Variants in P3H4 observed in about 807,000 individuals in gnomAD.
P3H4 encodes endoplasmic reticulum protein SC65.
A neutral mutation model predicts 52.9 loss-of-function variants in P3H4; 47 were observed. The ratio of observed to expected loss-of-function variants is 0.89; its 90% CI spans 0.70 to 1.13. The LOEUF (loss-of-function observed/expected upper bound fraction) is 1.13. Among genes scored for constraint, P3H4 ranks in the 50% most tolerant of loss-of-function variants. The pLI, the probability that P3H4 is intolerant of heterozygous loss-of-function variation, is 0.00. For missense variants in P3H4, 585 were observed against 611.0 expected, an observed-to-expected ratio of 0.96 and a Z score of 0.45; for synonymous variants, 256 against 267.9, an observed-to-expected ratio of 0.96 and a Z score of 0.44.
intron 5 of P3H4, 25 bp downstream of exon 5, chr17:41,807,834 A>AAGTGCCCCAGAAAGC: frequency 6.2e-7 from 1 of 1,604,914 alleles, no homozygotes; most frequent in East Asian, 2.2e-5. Context: ...CATATCCAGC[A>AAGTGCCCCAGAAAGC]AGTGCCCCAG....
At chr17:41,806,375 G>A (rs1045125315) in intron 6 of P3H4, among the ~76,000 whole-genome samples, 9 of 152,190 alleles carry the variant, frequency 5.9e-5, no homozygotes, top group Non-Finnish European at 1.2e-4. Flanking sequence ...GAATAATGTG[G>A]CCCTGTGTCC....
intron 3 of P3H4, among the ~76,000 whole-genome samples, chr17:41,810,091 A>G (rs2047713130): frequency 6.6e-6 from 1 of 151,112 alleles, no homozygotes; most frequent in Admixed American, 6.6e-5. Context: ...AGCCAGAGGG[A>G]GCCAGGGCAT....
chr17:41,804,037 T>C lies in P3H4; in HGVS notation c.1147-606A>G, dbSNP rs374532589. 1.8e-3 allele frequency among the ~76,000 whole-genome samples: 268 copies of C among 151,586 alleles called. 2 individuals carry two copies. The highest frequency in any genetic ancestry group is 0.015 in the East Asian group (74 of 5,098). Reference sequence around the variant, plus strand: ...CATGATCTCGGCTCACTGCAAGCTCTGCCTCCTGGGTTCACGCCATTCTCC... The same window carrying C: ...CATGATCTCGGCTCACTGCAAGCTCCGCCTCCTGGGTTCACGCCATTCTCC... On this transcript the variant is annotated intron_variant, in intron 6 of 7. Transcript: ENST00000393928.
At chr17:41,803,547 C>T (rs2047641009) in intron 6 of P3H4, 116 bp from the exon 7 acceptor site, 1 of 891,108 alleles carries the variant, frequency 1.1e-6, no homozygotes. Context: ...CAAAGCCCCT[C>T]CCCCTCCCCA....
intron 3 of P3H4, among the ~76,000 whole-genome samples, chr17:41,810,169 C>CT (rs71155170): frequency 0.014 from 1,587 of 116,840 alleles, 21 homozygotes; most frequent in African/African-American, 0.022. Flanking sequence ...AAAGGACAGT[C>CT]TTTTTTTTTT....
chr17:41,811,853 C>A lies in P3H4; in HGVS notation c.63G>T (p.Glu21Asp). 1 of 1,547,466 alleles carries A rather than the reference C, an allele frequency of 6.5e-7. No individual in the cohort carries two copies. The highest frequency in any genetic ancestry group is 8.6e-7 in the Non-Finnish European group (1 of 1,157,680). ...LLLGSAGAQY[E>D]KYSFRGFPPE... is the part of the protein sequence containing the mutation. Reference sequence around the variant, plus strand: ...GCGGGAAGCCCCGGAAGCTGTACTTCTCGTACTGCGCCCCGGCGCTGCCCA... The same window carrying A: ...GCGGGAAGCCCCGGAAGCTGTACTTATCGTACTGCGCCCCGGCGCTGCCCA... Residue 21 changes from glutamate (E) to aspartate (D), a missense_variant, in exon 1 of 8, where the codon GAG becomes GAT. Glu to Asp is a conservative substitution (Grantham distance 45, BLOSUM62 2). Transcript: ENST00000393928. This position sits in a 1 kb window ranked among gnomAD's most constrained non-coding sequence, Gnocchi z 4.8.
At position 41,802,720 on chromosome 17, in the gene P3H4, T is replaced by G; in HGVS notation, c.*237A>C. 2.3e-6 allele frequency: 1 copy of G among 441,340 alleles called. No homozygotes were observed. The highest frequency in any genetic ancestry group is 4.0e-6 in the Non-Finnish European group (1 of 251,082). 27.3% of individuals were successfully genotyped at this position (441,340 alleles called of 1,614,324 possible). A position where few individuals can be genotyped will look rare whatever the true frequency, so the allele number is the denominator to read the frequency against. On this transcript the variant is annotated 3_prime_UTR_variant, in exon 8 of 8. Coordinates refer to ENST00000393928, the MANE Select transcript of P3H4 (RefSeq NM_006455.3). ...GCGCCTGCCACCACACCCGGCTAAT[T>G]TATGTATTTTAGTAGAGACGGAGGT...
chr17:41,806,198 G>A (rs529569924), intron 6 of P3H4, among the ~76,000 whole-genome samples: 10 of 151,908 alleles, frequency 6.6e-5, no homozygotes, highest in Admixed American at 1.3e-4. Flanking sequence ...CAGCCTGGGC[G>A]GCAGAGCGAG....
intron 6 of P3H4, among the ~76,000 whole-genome samples, chr17:41,803,820 C>G (rs2047643932): frequency 6.6e-6 from 1 of 152,218 alleles, no homozygotes; most frequent in South Asian, 2.1e-4. Context: ...GGCATCAGTT[C>G]CAGGCTGAGC....
At position 41,811,524 on chromosome 17, in the gene P3H4, G is replaced by C. The variant is rs781912747; in HGVS notation, c.392C>G (p.Pro131Arg). The stretch of plus-strand genomic sequence containing the variant: ...GAAGTCACGCAGCAGCTGCCGCGGC[G>C]GGTAGGGCACCTGGAAGGCGGGCAG... The part of the protein sequence containing the change: ...RTLPAFQVPY[P>R]PRQLLRDFQS... Residue 131 changes from proline to arginine, a missense_variant, in exon 1 of 8, where the codon CCG becomes CGG. Coordinates refer to ENST00000393928, the MANE Select transcript of P3H4 (RefSeq NM_006455.3). The surrounding 1 kb of genome is among the most constrained non-coding windows in gnomAD (Gnocchi z 4.8). The C allele has an allele frequency of 1.2e-6, 2 of 1,611,532 alleles. No homozygotes were observed. Among genetic ancestry groups the C allele is most frequent in the East Asian group, 4.5e-5 (2 of 44,798 alleles).
chr17:41,808,774 G>A (rs1160001193), intron 4 of P3H4, among the ~76,000 whole-genome samples: 1 of 152,170 alleles, frequency 6.6e-6, no homozygotes, highest in Non-Finnish European at 1.5e-5. Context: ...AGCTCACACA[G>A]CTGGAGAATG....
Position 41,806,227 on chromosome 17 carries a change from A to AAAAT in P3H4, c.1146+565_1146+568dup, listed in dbSNP as rs535647021. On this transcript the variant is annotated intron_variant, in intron 6 of 7. Coordinates refer to ENST00000393928, the MANE Select transcript of P3H4 (RefSeq NM_006455.3). ...GAGCGAGACTCCATCTCAAAAAAAA[A>AAAAT]AAATAAATAAATAAATAAAATAAAT... is the stretch of plus-strand genomic sequence containing the variant. Among the ~76,000 whole-genome samples the AAAAT allele has an allele frequency of 8.1e-3, 1,228 of 152,032 alleles. 10 individuals are homozygous for AAAAT. Among genetic ancestry groups the AAAAT allele is most frequent in the Middle Eastern group, 0.045 (13 of 292 alleles).
chr17:41,809,815 CA>C lies in P3H4; in HGVS notation c.806del (p.Leu269ArgfsTer11). 1 of 1,612,922 alleles carries C rather than the reference CA, an allele frequency of 6.2e-7. No individual in the cohort carries two copies. ...PAIADLFAES[L>X]QCKVDCEANL... ...TGGCCTCACAGTCCACCTTGCACTG[CA>C]GGGACTCTGCAAAGAGATCTGAGGG... On this transcript the variant is annotated frameshift_variant, in exon 4 of 8. Coordinates refer to ENST00000393928, the MANE Select transcript of P3H4 (RefSeq NM_006455.3). LOFTEE classifies it high-confidence loss of function.
intron 6 of P3H4, among the ~76,000 whole-genome samples, chr17:41,806,129 G>A (rs1468068069): frequency 1.3e-5 from 2 of 151,938 alleles, no homozygotes; most frequent in Admixed American, 6.6e-5. Flanking sequence ...TGAGGCAGGA[G>A]CATCGTGTGA....
Position 41,806,879 on chromosome 17 carries a change from C to T in P3H4, c.1063G>A (p.Glu355Lys). Residue 355 changes from glutamate to lysine, a missense_variant and splice_region_variant, in exon 6 of 8, where the codon GAG becomes AAG. By Grantham distance (56) the Glu-to-Lys change is moderately conservative (BLOSUM62 1). Coordinates refer to ENST00000393928, the MANE Select transcript of P3H4 (RefSeq NM_006455.3). ...LEEEDFQPRE[E>K]AMLYHNQTAE... ...GTCTGGTTGTGGTAGAGCATGGCCT[C>T]CTGGAAGGAGGGAAGGACGGGGTGG... 2 of 1,613,246 alleles carry T rather than the reference C, an allele frequency of 1.2e-6. No individual in the cohort carries two copies. The highest frequency in any genetic ancestry group is 2.2e-5 in the East Asian group (1 of 44,848).
chr17:41,809,615 GA>G, intron 4 of P3H4, 90 bp downstream of exon 4: 2 of 1,467,018 alleles, frequency 1.4e-6, no homozygotes, highest in Non-Finnish European at 9.3e-7. Flanking sequence ...AATACTGAAG[GA>G]AAGCTCCCCA....
Position 41,810,879 on chromosome 17 carries a change from G to T in P3H4, c.771C>A (p.Phe257Leu), listed in dbSNP as rs761015891. 54 of 1,613,702 alleles carry T rather than the reference G, an allele frequency of 3.3e-5. No individual in the cohort carries two copies. The highest frequency in any genetic ancestry group is 4.2e-5 in the Non-Finnish European group (50 of 1,179,828). ...GAHEQVDFKD[F>L]YPAIADLFAE... ...GGCAGATACCTGCTATGGCCGGGTA[G>T]AAGTCCTTGAAGTCCACCTGCTCAT... Residue 257 changes from phenylalanine (F) to leucine (L), a missense_variant, in exon 3 of 8, where the codon TTC (phenylalanine) becomes TTA (leucine). Physicochemically the swap from Phe to Leu is conservative, Grantham distance 22. Transcript: ENST00000393928.
chr17:41,805,109 C>T (rs1555614020), intron 6 of P3H4, among the ~76,000 whole-genome samples: 1 of 151,816 alleles, frequency 6.6e-6, no homozygotes, highest in East Asian at 2.0e-4. Context: ...CATAGTGAAA[C>T]CCCATCTCTA....
chr17:41,811,187 C>G lies in P3H4; in HGVS notation c.560G>C (p.Gly187Ala). 6.2e-7 allele frequency: 1 copy of G among 1,614,202 alleles called. No individual in the cohort carries two copies. The highest frequency in any genetic ancestry group is 8.5e-7 in the Non-Finnish European group (1 of 1,180,032). Residue 187 changes from glycine to alanine, a missense_variant, in exon 2 of 8, where the codon GGG becomes GCG. Coordinates refer to ENST00000393928, the MANE Select transcript of P3H4 (RefSeq NM_006455.3). The surrounding 1 kb of genome is among the most constrained non-coding windows in gnomAD (Gnocchi z 4.8). Reference sequence around the variant, plus strand: ...GGACTCGTCGGCGACGTCCAGCATCCCCTGATAGTAGTTGAGATACTTGGC... The same window carrying G: ...GGACTCGTCGGCGACGTCCAGCATCGCCTGATAGTAGTTGAGATACTTGGC... ...LTAKYLNYYQ[G>A]MLDVADESLT... is the part of the protein sequence containing the mutation.
Sources: gnomAD v4.1 joint callset for allele counts (sites outside exome capture counted in the v4.1 genomes callset) on GRCh38, gnomAD v4.1.1 for gene constraint, Gnocchi (gnomAD v3.1) non-coding constraint, MANE v1.5 for transcripts, NCBI Gene and HGNC (gene_info 2026-07-23, HGNC 2026-07-21) for gene names.